Variants in RB1 observed in about 807,000 individuals in gnomAD.
RB1 encodes the protein retinoblastoma-associated protein.
A neutral mutation model predicts 135.4 loss-of-function variants in RB1; 18 were observed. The ratio of observed to expected loss-of-function variants is 0.13; its 90% CI spans 0.09 to 0.20. The LOEUF (loss-of-function observed/expected upper bound fraction) is 0.20. Ranked by LOEUF, RB1 falls within the 10% of genes least tolerant of loss-of-function variation. The pLI is 1.00. For missense variants in RB1, 868 were observed against 1,110.0 expected (o/e 0.78, Z 3.10); for synonymous variants, 365 against 373.2 (o/e 0.98, Z 0.25).
rs539272056 is a variant in RB1 at position 48,463,622 on chromosome 13, T to C, written c.2107-109T>C. Reference sequence around the variant, plus strand: ...AGCTCAGTATGGAAAGAAATAACTCTGTAGATTAAACCTTTCTTTTTTGAG... The same window carrying C: ...AGCTCAGTATGGAAAGAAATAACTCCGTAGATTAAACCTTTCTTTTTTGAG... On this transcript the variant is annotated intron_variant, in intron 20 of 26. Coordinates refer to ENST00000267163, the MANE Select transcript of RB1 (RefSeq NM_000321.3). The C allele has an allele frequency of 5.4e-6, 4 of 742,738 alleles. No individual in the cohort carries two copies. The East Asian group carries it at 1.0e-4, about 19-fold the overall frequency. The allele number at this position is 742,738 out of a possible 1,614,324, so 46.0% of individuals were successfully genotyped here.
At chr13:48,457,427 C>T (rs748412715) in intron 19 of RB1, among the ~76,000 whole-genome samples, 2 of 152,220 alleles carry the variant, frequency 1.3e-5, no homozygotes, top group Non-Finnish European at 2.9e-5. Context: ...CTGTGGGCCT[C>T]AGCGGGAAGA....
rs1555294580 is a variant in RB1 at position 48,464,982 on chromosome 13, T to TA, written c.2212-15dup. 7 of 1,356,432 alleles carry TA rather than the reference T, an allele frequency of 5.2e-6. No individual in the cohort carries two copies. The African/African-American group carries it at 6.7e-5, about 13-fold the overall frequency. The allele number at this position is 1,356,432 out of a possible 1,614,324, so 84.0% of individuals were successfully genotyped here. On this transcript the variant is annotated splice_polypyrimidine_tract_variant and intron_variant, in intron 21 of 26. Coordinates refer to ENST00000267163, the MANE Select transcript of RB1 (RefSeq NM_000321.3). ...ACTTTTTTTTTTTTTTTTTTTTTTTTACTGTTCTTCCTCAGACATTCAAAC... is the reference window on the plus strand; with the variant it reads ...ACTTTTTTTTTTTTTTTTTTTTTTTTAACTGTTCTTCCTCAGACATTCAAAC...
chr13:48,308,855 A>G (rs746750416), intron 2 of RB1, among the ~76,000 whole-genome samples: 1 of 152,180 alleles, frequency 6.6e-6, no homozygotes, highest in Admixed American at 6.5e-5. Context: ...ATTTGAGATT[A>G]TACATGTAGT....
At chr13:48,398,516 A>AT (rs574740963) in intron 17 of RB1, among the ~76,000 whole-genome samples, 7 of 151,188 alleles carry the variant, frequency 4.6e-5, no homozygotes, top group South Asian at 2.1e-4. Context: ...GAGTCCTGTA[A>AT]TTTTTTTTTA....
intron 2 of RB1, chr13:48,328,303 T>C (rs2138065326): frequency 6.3e-7 from 1 of 1,592,592 alleles, no homozygotes; most frequent in East Asian, 2.2e-5. Context: ...GAAAGAGTTT[T>C]TGGAGCAAGA....
rs587778869 is a variant in RB1 at position 48,304,015 on chromosome 13, C to G, written c.103C>G (p.Gln35Glu). Reference protein sequence around the residue: ...PPPPPEEDPEQDSGPEDLPLV... With the variant: ...PPPPPEEDPEEDSGPEDLPLV... The stretch of plus-strand genomic sequence containing the variant: ...GCCCCCTCCTGAGGAGGACCCAGAG[C>G]AGGACAGCGGCCCGGAGGACCTGCC... Residue 35 changes from glutamine (Q) to glutamate (E), a missense_variant, in exon 1 of 27, where the codon CAG (glutamine) becomes GAG (glutamate). By Grantham distance (29) the Gln-to-Glu change is conservative. This residue lies in a region of RB1 where 641 missense variants were observed against 791.3 expected (regional missense o/e 0.81). Transcript: ENST00000267163. 2.0e-6 allele frequency: 3 copies of G among 1,482,440 alleles called. No homozygotes were observed. Among genetic ancestry groups the G allele is most frequent in the Non-Finnish European group, 2.7e-6 (3 of 1,124,898 alleles). 91.8% of individuals were successfully genotyped at this position (1,482,440 alleles called of 1,614,324 possible). A position where few individuals can be genotyped will look rare whatever the true frequency, so the allele number is the denominator to read the frequency against.
At chr13:48,336,236 A>T (rs891826234) in intron 2 of RB1, among the ~76,000 whole-genome samples, 5 of 152,040 alleles carry the variant, frequency 3.3e-5, no homozygotes, top group Admixed American at 3.3e-4. Context: ...TTTTCTATTG[A>T]TTGGAATAGT....
chr13:48,467,594 A>G (rs1949455159), intron 23 of RB1, among the ~76,000 whole-genome samples: 1 of 4,086 alleles, frequency 2.4e-4, no homozygotes, highest in African/African-American at 5.1e-4. Context: ...AAATTCTGCA[A>G]TTAAAAGACA....
chr13:48,315,194 C>T (rs1046772308), intron 2 of RB1, among the ~76,000 whole-genome samples: 1 of 152,082 alleles, frequency 6.6e-6, no homozygotes, highest in Admixed American at 6.5e-5. Flanking sequence ...TCCATTTGTT[C>T]GTGTCATCTC....
intron 9 of RB1, among the ~76,000 whole-genome samples, chr13:48,365,519 T>G (rs1313913078): frequency 6.6e-6 from 1 of 152,216 alleles, no homozygotes; most frequent in African/African-American, 2.4e-5. Flanking sequence ...TACAAATGTC[T>G]TTCCAATGAG....
chr13:48,367,901 G>T (rs1952719752), intron 10 of RB1, among the ~76,000 whole-genome samples: 1 of 151,966 alleles, frequency 6.6e-6, no homozygotes, highest in Admixed American at 6.6e-5. Context: ...TTCAAATAGT[G>T]GTCTCTACCT....
rs769425649 is a variant in RB1 at position 48,379,625 on chromosome 13, G to A, written c.1364G>A (p.Arg455Gln). 13 of 1,611,846 alleles carry A rather than the reference G, an allele frequency of 8.1e-6. No individual in the cohort carries two copies. Among genetic ancestry groups the A allele is most frequent in the Admixed American group, 1.7e-5 (1 of 59,886 alleles). The stretch of plus-strand genomic sequence containing the variant: ...AAACTTGGAGTTCGCTTGTATTACC[G>A]AGTAATGGAATCCATGCTTAAATCA... Reference protein sequence around the residue: ...RYKLGVRLYYRVMESMLKSEE... With the variant: ...RYKLGVRLYYQVMESMLKSEE... Residue 455 changes from arginine (R) to glutamine (Q), a missense_variant, in exon 14 of 27, where the codon CGA becomes CAA. Coordinates refer to ENST00000267163, the MANE Select transcript of RB1 (RefSeq NM_000321.3).
rs769748791 is a variant in RB1 at position 48,364,896 on chromosome 13, G to A, written c.864G>A (p.Val288=). 2 of 1,552,452 alleles carry A rather than the reference G, an allele frequency of 1.3e-6. No homozygotes were observed. The highest frequency in any genetic ancestry group is 4.9e-5 in the East Asian group (2 of 41,224). The change falls in exon 9 of 27, where the codon GTG becomes GTA. Residue 288 remains valine (V), a splice_region_variant and synonymous_variant. Coordinates refer to ENST00000267163, the MANE Select transcript of RB1 (RefSeq NM_000321.3). ...TGTTGTAACTTCATCTTTTTCAGGTGAAAAATGTTTATTTCAAAAATTTTA... is the reference window on the plus strand; with the variant it reads ...TGTTGTAACTTCATCTTTTTCAGGTAAAAAATGTTTATTTCAAAAATTTTA... ...CKEHECNIDE[V]KNVYFKNFIP...
At chr13:48,393,539 A>G (rs997184466) in intron 17 of RB1, among the ~76,000 whole-genome samples, 13 of 152,190 alleles carry the variant, frequency 8.5e-5, no homozygotes, top group Admixed American at 4.6e-4. Flanking sequence ...GGTTGTTTAA[A>G]CGAATCTGGT....
chr13:48,383,610 A>C (rs1948552798), intron 17 of RB1, among the ~76,000 whole-genome samples: 1 of 152,014 alleles, frequency 6.6e-6, no homozygotes, highest in Non-Finnish European at 1.5e-5. Context: ...GTTTTCTTGT[A>C]TTGCCATATA....
intron 17 of RB1, among the ~76,000 whole-genome samples, chr13:48,398,224 T>C (rs1361992109): frequency 2.0e-5 from 3 of 150,676 alleles, no homozygotes; most frequent in Non-Finnish European, 4.4e-5. Flanking sequence ...AAACATTTTA[T>C]TTTAATTTTA....
chr13:48,318,322 A>G, intron 2 of RB1: 1 of 1,345,186 alleles, frequency 7.4e-7, no homozygotes, highest in South Asian at 1.5e-5. Flanking sequence ...GCAGTGCTGA[A>G]CCTGACCTTC....
At chr13:48,438,906 A>G (rs532462081) in intron 17 of RB1, among the ~76,000 whole-genome samples, 5 of 152,138 alleles carry the variant, frequency 3.3e-5, no homozygotes, top group South Asian at 4.1e-4. Context: ...CAACAACTCT[A>G]TGTAGTGGGT....
At chr13:48,360,984 A>C (rs4151481) in intron 7 of RB1, among the ~76,000 whole-genome samples, 1 of 152,158 alleles carries the variant, frequency 6.6e-6, no homozygotes, top group African/African-American at 2.4e-5. Context: ...AATTTAGTGG[A>C]AAAATTAAGT....
Sources: gnomAD v4.1 joint callset for allele counts (sites outside exome capture counted in the v4.1 genomes callset) on GRCh38, gnomAD v4.1.1 for gene constraint, gnomAD v4.1.1 regional missense constraint, MANE v1.5 for transcripts, NCBI Gene and HGNC (gene_info 2026-07-23, HGNC 2026-07-21) for gene names.